ACVR1: variants seen among roughly 807,000 people sequenced by gnomAD.
The protein encoded by ACVR1 is activin receptor type-1.
ACVR1 carries 38 observed loss-of-function variants against 57.1 expected under a neutral mutation model. The observed-to-expected ratio is 0.67, with a 90% CI of 0.51 to 0.87. The LOEUF (loss-of-function observed/expected upper bound fraction) is 0.87, where lower values mean the gene tolerates loss of function less well. Ranked by LOEUF, ACVR1 falls within the 40% of genes least tolerant of loss-of-function variation. ACVR1 has a pLI of 0.00. For synonymous variants in ACVR1, 212 were observed against 228.1 expected, an observed-to-expected ratio of 0.93 and a Z score of 0.63; for missense variants, 463 against 638.2, an observed-to-expected ratio of 0.73 and a Z score of 2.96.
At chr2:157,765,194 AC>A (rs1260228973) in intron 8 of ACVR1, among the ~76,000 whole-genome samples, 1 of 152,214 alleles carries the variant, frequency 6.6e-6, no homozygotes, top group African/African-American at 2.4e-5. Context: ...CTAAAGCTAC[AC>A]TGAGTACTAC....
At chr2:157,741,341 A>T (rs183535215) in intron 9 of ACVR1, among the ~76,000 whole-genome samples, 2 of 152,272 alleles carry the variant, frequency 1.3e-5, no homozygotes, top group Non-Finnish European at 2.9e-5. Flanking sequence ...CAGGAGGGAT[A>T]AAAGATGAAA....
intron 9 of ACVR1, among the ~76,000 whole-genome samples, 174 bp from the exon 10 acceptor site, chr2:157,738,744 A>G (rs569157988): frequency 6.6e-6 from 1 of 152,332 alleles, no homozygotes; most frequent in Admixed American, 6.5e-5. Flanking sequence ...GTGGGAGAAA[A>G]AGGCAATAAA....
In ACVR1 at chr2:157,744,543, A is replaced by C. The variant is rs373582397; in HGVS notation, c.1265-5973T>G. Among the ~76,000 whole-genome samples the C allele has an allele frequency of 6.6e-5, 10 of 152,368 alleles. No homozygotes were observed. The East Asian group carries it at 1.2e-3, about 18-fold the overall frequency. ...TTTCAAAACAAAATTAACTTTGAAA[A>C]GAGTTAGCCAATTTGAAGGAAAAGA... On this transcript the variant is annotated intron_variant, in intron 9 of 10. Coordinates refer to ENST00000434821, the MANE Select transcript of ACVR1 (RefSeq NM_001111067.4).
At chr2:157,847,164 T>C (rs554659455) in intron 1 of ACVR1, among the ~76,000 whole-genome samples, 83 of 152,228 alleles carry the variant, frequency 5.5e-4, no homozygotes, top group Non-Finnish European at 1.0e-3. Context: ...TTGAACTTAT[T>C]ATACACATGC....
chr2:157,875,619 G>A (rs1487333471), intron 1 of ACVR1, 177 bp downstream of exon 1: 1 of 139,294 alleles, frequency 7.2e-6, no homozygotes, highest in Admixed American at 8.1e-5. Context: ...GTTTTGTTCC[G>A]CGGCTGCTTC....
chr2:157,798,982 C>T (rs1430418783), intron 3 of ACVR1, among the ~76,000 whole-genome samples: 2 of 151,996 alleles, frequency 1.3e-5, no homozygotes, highest in Non-Finnish European at 2.9e-5. Flanking sequence ...CTACAACCTC[C>T]GCCTCCCAGA....
intron 3 of ACVR1, among the ~76,000 whole-genome samples, chr2:157,790,948 G>A (rs1686887542): frequency 1.3e-5 from 2 of 152,110 alleles, no homozygotes; most frequent in Admixed American, 6.5e-5. Flanking sequence ...CCTTAATTCC[G>A]TCTCATGACA....
At chr2:157,831,623 A>G (rs1307946396) in intron 1 of ACVR1, among the ~76,000 whole-genome samples, 1 of 152,228 alleles carries the variant, frequency 6.6e-6, no homozygotes, top group Non-Finnish European at 1.5e-5. Flanking sequence ...TTAAAATTTC[A>G]AAAGTTGAGA....
intron 9 of ACVR1, among the ~76,000 whole-genome samples, chr2:157,740,054 C>T (rs973307270): frequency 1.3e-5 from 2 of 151,846 alleles, no homozygotes; most frequent in Non-Finnish European, 1.5e-5. Flanking sequence ...TGTGTTGGCG[C>T]GTGCCTGTAG....
chr2:157,789,158 G>A (rs1686820163), intron 3 of ACVR1, among the ~76,000 whole-genome samples: 1 of 152,180 alleles, frequency 6.6e-6, no homozygotes, highest in African/African-American at 2.4e-5. Flanking sequence ...GTCATTTTGA[G>A]CTTGTCCTTT....
intron 1 of ACVR1, among the ~76,000 whole-genome samples, chr2:157,866,787 C>T (rs949834398): frequency 1.1e-4 from 16 of 152,182 alleles, no homozygotes; most frequent in Admixed American, 2.6e-4. Flanking sequence ...TTCGGATAAA[C>T]ATTTGATTTA....
Position 157,737,492 on chromosome 2 carries a change from C to A in ACVR1, c.*39G>T, listed in dbSNP as rs758395702. On this transcript the variant is annotated 3_prime_UTR_variant, in exon 11 of 11. Coordinates refer to ENST00000434821, the MANE Select transcript of ACVR1 (RefSeq NM_001111067.4). ...GCATTAGGTCCCAGCTGGACAATGA[C>A]AACAACGTCAAATCTTCCTTCTTGA... 1 of 1,612,060 alleles carries A rather than the reference C, an allele frequency of 6.2e-7. No individual in the cohort carries two copies. The highest frequency in any genetic ancestry group is 8.5e-7 in the Non-Finnish European group (1 of 1,178,940).
At chr2:157,862,920 T>C (rs1558853936) in intron 1 of ACVR1, among the ~76,000 whole-genome samples, 1 of 149,076 alleles carries the variant, frequency 6.7e-6, no homozygotes, top group Non-Finnish European at 1.5e-5. Context: ...GATCTGTCTC[T>C]GAAAATTCAT....
chr2:157,794,807 G>A (rs1301215574), intron 3 of ACVR1, among the ~76,000 whole-genome samples: 1 of 151,046 alleles, frequency 6.6e-6, no homozygotes, highest in African/African-American at 2.4e-5. Context: ...TATAAGTGGT[G>A]AAAAAATCTT....
chr2:157,828,331 T>C (rs1447176902), intron 1 of ACVR1, among the ~76,000 whole-genome samples: 3 of 150,536 alleles, frequency 2.0e-5, no homozygotes, highest in Non-Finnish European at 4.4e-5. Flanking sequence ...ATGCCTGTAA[T>C]CCCAGCTACT....
At chr2:157,793,610 AC>A (rs1420018012) in intron 3 of ACVR1, among the ~76,000 whole-genome samples, 1 of 152,176 alleles carries the variant, frequency 6.6e-6, no homozygotes, top group Admixed American at 6.5e-5. Context: ...TTCCCTAAAA[AC>A]ATCTTCCGTT....
At chr2:157,778,624 C>A (rs957247146) in intron 4 of ACVR1, among the ~76,000 whole-genome samples, 4 of 152,120 alleles carry the variant, frequency 2.6e-5, no homozygotes, top group African/African-American at 9.7e-5. Context: ...CTGTACAAAT[C>A]TTTGATATTA....
At chr2:157,777,603 G>C (rs543334824) in intron 5 of ACVR1, among the ~76,000 whole-genome samples, 2 of 152,114 alleles carry the variant, frequency 1.3e-5, no homozygotes, top group African/African-American at 4.8e-5. Flanking sequence ...GTTTCTATTG[G>C]ACAACACCGG....
intron 1 of ACVR1, among the ~76,000 whole-genome samples, chr2:157,856,911 A>G (rs563541234): frequency 6.6e-6 from 1 of 152,232 alleles, no homozygotes; most frequent in African/African-American, 2.4e-5. Flanking sequence ...AAAATATACA[A>G]TCCTGGGCCA....
Sources: gnomAD v4.1 joint callset for allele counts (sites outside exome capture counted in the v4.1 genomes callset) on GRCh38, gnomAD v4.1.1 for gene constraint, MANE v1.5 for transcripts, NCBI Gene and HGNC (gene_info 2026-07-23, HGNC 2026-07-21) for gene names.